Variants in DAB1 observed in about 807,000 individuals in gnomAD.
DAB1 encodes DAB adaptor protein 1, also known as disabled homolog 1.
In DAB1, 15 loss-of-function variants were observed where a neutral mutation model predicts 64.6. The ratio of observed to expected loss-of-function variants is 0.23; its 90% CI spans 0.16 to 0.36. The LOEUF is 0.36. DAB1 is among the 10% of genes least tolerant of loss of function. The probability of loss-of-function intolerance (pLI) is 1.00; values close to 1 mark genes in which losing one functional copy is unlikely to be tolerated. For missense variants in DAB1, 596 were observed against 706.7 expected (o/e 0.84, Z 1.78); for synonymous variants, 235 against 251.9 (o/e 0.93, Z 0.64).
At chr1:57,020,775 C>A (rs377281622) in intron 11 of DAB1, among the ~76,000 whole-genome samples, 1 of 152,144 alleles carries the variant, frequency 6.6e-6, no homozygotes, top group Non-Finnish European at 1.5e-5. Flanking sequence ...TCATTTAATT[C>A]TCTTGATATT....
At chr1:58,457,276 G>C (rs975089806) in intron 3 of DAB1, among the ~76,000 whole-genome samples, 21 of 152,138 alleles carry the variant, frequency 1.4e-4, no homozygotes, top group Admixed American at 2.6e-4. Flanking sequence ...CTAGAATATT[G>C]ATCCAAGAAG....
chr1:57,069,198 G>T (rs1651213826), intron 8 of DAB1, among the ~76,000 whole-genome samples, 162 bp downstream of exon 8: 1 of 152,164 alleles, frequency 6.6e-6, no homozygotes, highest in Non-Finnish European at 1.5e-5. Flanking sequence ...AACAAGGCAT[G>T]AAAACTACTG....
intron 5 of DAB1, among the ~76,000 whole-genome samples, chr1:58,009,479 C>A (rs907227037): frequency 4.6e-5 from 7 of 152,056 alleles, no homozygotes. Context: ...CTCATTCTAC[C>A]TATTTTATAG....
At chr1:58,053,367 TAGA>T (rs542103915) in intron 5 of DAB1, among the ~76,000 whole-genome samples, 23 of 152,110 alleles carry the variant, frequency 1.5e-4, no homozygotes, top group South Asian at 6.2e-4. Context: ...TGGCAGAAAG[TAGA>T]AGGTTAGGGA....
At chr1:58,124,465 T>A (rs1347588085) in intron 5 of DAB1, among the ~76,000 whole-genome samples, 2 of 152,162 alleles carry the variant, frequency 1.3e-5, no homozygotes, top group Admixed American at 6.6e-5. Context: ...AGGGGAAAGA[T>A]GAGTTGCCTG....
At chr1:58,117,505 G>A (rs141287868) in intron 5 of DAB1, among the ~76,000 whole-genome samples, 8 of 152,300 alleles carry the variant, frequency 5.3e-5, no homozygotes, top group African/African-American at 1.4e-4. Context: ...TATTGCTCAT[G>A]TCCAAATCCT....
chr1:57,083,719 C>T (rs1042566523), intron 4 of DAB1, among the ~76,000 whole-genome samples: 16 of 152,208 alleles, frequency 1.1e-4, no homozygotes, highest in African/African-American at 3.1e-4. Context: ...TTCCAAGTTC[C>T]GGTGTCTTCA....
chr1:57,000,863 A>T (rs1272852627), intron 14 of DAB1, among the ~76,000 whole-genome samples: 1 of 152,216 alleles, frequency 6.6e-6, no homozygotes, highest in Non-Finnish European at 1.5e-5. Context: ...ACCTAAAAAC[A>T]GAAGAAGACA....
chr1:58,251,330 A>C (rs575739695), intron 4 of DAB1, among the ~76,000 whole-genome samples: 2 of 152,392 alleles, frequency 1.3e-5, no homozygotes, highest in East Asian at 3.9e-4. Flanking sequence ...AGTAATGTTT[A>C]TTCTCTTGTA....
At chr1:57,385,398 C>G (rs1681727462) in intron 1 of DAB1, among the ~76,000 whole-genome samples, 1 of 152,162 alleles carries the variant, frequency 6.6e-6, no homozygotes, top group Non-Finnish European at 1.5e-5. Flanking sequence ...CAGGAAGTAG[C>G]TCCATGTAGT....
At chr1:58,074,564 G>GTGTGTATATATATATATATATA (rs1332531604) in intron 5 of DAB1, 6 of 91,638 alleles carry the variant, frequency 6.5e-5, no homozygotes, top group African/African-American at 2.2e-4. Context: ...ATATATGTGT[G>GTGTGTATATATATATATATATA]TATATATATA....
rs1297432640 is a variant in DAB1, at chr1:57,906,952, ATAG to A, written n.388-22793_388-22791del. 7.0e-5 allele frequency among the ~76,000 whole-genome samples: 10 copies of A among 143,306 alleles called. No individual in the cohort carries two copies. In the East Asian group the frequency reaches 1.9e-3, roughly 28 times the overall value. The allele number at this position is 143,306 out of a possible 152,430, so 94.0% of individuals were successfully genotyped here. A position where few individuals can be genotyped will look rare whatever the true frequency, so the allele number is the denominator to read the frequency against. ...ATATAATATGCAGATAGATAGATAG[ATAG>A]ATAGATAGATAGATAGATAGATAGA... On this transcript the variant is annotated intron_variant and non_coding_transcript_variant, in intron 5 of 20. Coordinates refer to the DAB1 transcript ENST00000485760.
intron 6 of DAB1, among the ~76,000 whole-genome samples, chr1:57,784,212 T>C (rs1650235737): frequency 6.6e-6 from 1 of 152,004 alleles, no homozygotes; most frequent in Non-Finnish European, 1.5e-5. Flanking sequence ...CTGGGCAAAA[T>C]GGCAAGACCG....
chr1:57,775,735 C>A (rs908545821), intron 6 of DAB1, among the ~76,000 whole-genome samples: 1 of 151,468 alleles, frequency 6.6e-6, no homozygotes, highest in South Asian at 2.1e-4. Flanking sequence ...TCATACTGAT[C>A]AAAGCTTCTA....
intron 5 of DAB1, among the ~76,000 whole-genome samples, chr1:57,904,359 T>C (rs1299386397): frequency 6.6e-6 from 1 of 152,160 alleles, no homozygotes; most frequent in East Asian, 1.9e-4. Context: ...CGAGGGTCTT[T>C]CATTCACCAG....
intron 9 of DAB1, among the ~76,000 whole-genome samples, chr1:57,029,148 C>A (rs1213733695): frequency 2.0e-5 from 3 of 152,144 alleles, no homozygotes; most frequent in Non-Finnish European, 4.4e-5. Flanking sequence ...GGACTTGGTG[C>A]CCTGTGTCCC....
chr1:57,647,115 C>T (rs1489340426), intron 7 of DAB1, among the ~76,000 whole-genome samples: 4 of 152,158 alleles, frequency 2.6e-5, no homozygotes, highest in Non-Finnish European at 5.9e-5. Flanking sequence ...CACTGTACTG[C>T]TCCATATTCT....
rs184457074 is a variant in DAB1, at chr1:57,651,302, A to G, written n.552-1637T>C. 3.5e-4 allele frequency among the ~76,000 whole-genome samples: 53 copies of G among 152,358 alleles called. 2 individuals are homozygous for G. Among genetic ancestry groups the G allele is most frequent in the Admixed American group, 2.7e-3 (42 of 15,312 alleles). On this transcript the variant is annotated intron_variant and non_coding_transcript_variant, in intron 6 of 20. Transcript: ENST00000485760. ...ATTTATCTAGTAACAATATCCCATT[A>G]TAACAACTCAGTTATTTTACACATT...
At chr1:57,824,648 C>T (rs1007156953), downstream of DAB1, among the ~76,000 whole-genome samples, 9 of 152,174 alleles carry the variant, frequency 5.9e-5, no homozygotes, top group African/African-American at 2.2e-4. Context: ...CCAAAGCCAA[C>T]AGTGGGATAT....
Sources: gnomAD v4.1 joint callset for allele counts (sites outside exome capture counted in the v4.1 genomes callset) on GRCh38, gnomAD v4.1.1 for gene constraint, MANE v1.5 for transcripts, NCBI Gene and HGNC (gene_info 2026-07-23, HGNC 2026-07-21) for gene names.